Variants in TIFAB observed in about 807,000 individuals in gnomAD.
TIFAB encodes TIFA inhibitor, also known as TRAF-interacting protein with FHA domain-containing protein B.
For synonymous variants in TIFAB, 116 were observed against 95.2 expected (o/e 1.22, Z -1.27); for missense variants, 222 against 203.6 (o/e 1.09, Z -0.55).
chr5:135,446,519 T>C lies in TIFAB; in HGVS notation c.*2935A>G. ...CGAAGACCAGGCCCTGAAGCCAGCC[T>C]GACGGTTCCAGCTGTTAGGAGAAAG... is the stretch of plus-strand genomic sequence containing the variant. On this transcript the variant is annotated 3_prime_UTR_variant, in exon 2 of 2. Transcript: ENST00000537858. 6.2e-7 allele frequency: 1 copy of C among 1,614,006 alleles called. No individual in the cohort carries two copies. Among genetic ancestry groups the C allele is most frequent in the Non-Finnish European group, 8.5e-7 (1 of 1,179,884 alleles).
At position 135,444,684 on chromosome 5, in the gene TIFAB, T is replaced by C. The variant is rs1769223903; in HGVS notation, c.*4770A>G. 1 of 152,268 alleles carries C rather than the reference T, an allele frequency of 6.6e-6. No homozygotes were observed. The highest frequency in any genetic ancestry group is 2.4e-5 in the African/African-American group (1 of 41,466). 9.4% of individuals were successfully genotyped at this position (152,268 alleles called of 1,614,324 possible). A position where few individuals can be genotyped will look rare whatever the true frequency, so the allele number is the denominator to read the frequency against. The stretch of plus-strand genomic sequence containing the variant: ...TCTTTGCTGGCTGCAGCCTTGCTGC[T>C]CAGTGGGCGGTTGTGGAAAGAATCG... On this transcript the variant is annotated 3_prime_UTR_variant, in exon 2 of 2. Transcript: ENST00000537858.
In TIFAB at chr5:135,449,537, G is replaced by A. The variant is rs1769329044; in HGVS notation, c.403C>T (p.Pro135Ser). 7 of 1,614,224 alleles carry A rather than the reference G, an allele frequency of 4.3e-6. No homozygotes were observed. In the East Asian group the frequency reaches 1.3e-4, roughly 31 times the overall value. ...TCAGCCTCAGGTCTGTAAATCAGGGGTGAAGGGCTGACATGGAAATAGCAG... is the reference window on the plus strand; with the variant it reads ...TCAGCCTCAGGTCTGTAAATCAGGGATGAAGGGCTGACATGGAAATAGCAG... ...FVCYFHVSPSPLIYRPEAEET... is the reference protein window; with the variant it reads ...FVCYFHVSPSSLIYRPEAEET... Residue 135 changes from proline to serine, a missense_variant, in exon 2 of 2, where the codon CCC becomes TCC. Physicochemically the swap from Pro to Ser is moderately conservative, Grantham distance 74 (BLOSUM62 -1). Coordinates refer to ENST00000537858, the MANE Select transcript of TIFAB (RefSeq NM_001099221.2).
At chr5:135,451,143 G>T (rs1769356596) in intron 1 of TIFAB, among the ~76,000 whole-genome samples, 1 of 152,154 alleles carries the variant, frequency 6.6e-6, no homozygotes, top group Admixed American at 6.5e-5. Context: ...CACCATAAAT[G>T]TCCAGGGGCA....
Position 135,446,776 on chromosome 5 carries a change from A to T in TIFAB, c.*2678T>A. 1 of 1,613,936 alleles carries T rather than the reference A, an allele frequency of 6.2e-7. No individual in the cohort carries two copies. The highest frequency in any genetic ancestry group is 8.5e-7 in the Non-Finnish European group (1 of 1,179,836). ...TCTTCCTTCTGCTGCTATGCAGTTC[A>T]TCCTGGGTCCCTGAGGGCCTCGCAG... On this transcript the variant is annotated 3_prime_UTR_variant, in exon 2 of 2. Transcript: ENST00000537858.
At chr5:135,451,516 C>A (rs1769362392) in intron 1 of TIFAB, among the ~76,000 whole-genome samples, 1 of 150,076 alleles carries the variant, frequency 6.7e-6, no homozygotes, top group Non-Finnish European at 1.5e-5. Context: ...TGGAGTCTCA[C>A]ACTGTCACCC....
At chr5:135,450,725 T>G (rs1473713982) in intron 1 of TIFAB, 1 of 152,248 alleles carries the variant, frequency 6.6e-6, no homozygotes, top group Non-Finnish European at 1.5e-5. Flanking sequence ...AACCAAGGGT[T>G]GAGTGGATTT....
At chr5:135,451,672 C>T (rs531269336) in intron 1 of TIFAB, among the ~76,000 whole-genome samples, 25 of 152,138 alleles carry the variant, frequency 1.6e-4, no homozygotes, top group African/African-American at 5.5e-4. Flanking sequence ...TCAGTAGAGA[C>T]GGGGTTTCGC....
At position 135,446,727 on chromosome 5, in the gene TIFAB, C is replaced by T; in HGVS notation, c.*2727G>A. On this transcript the variant is annotated 3_prime_UTR_variant, in exon 2 of 2. Coordinates refer to ENST00000537858, the MANE Select transcript of TIFAB (RefSeq NM_001099221.2). ...AAACTACAAACCAGATGTTTCCGGG[C>T]TCCCTCCCGCCTGGTCTGGCCTGTC... 1 of 1,613,884 alleles carries T rather than the reference C, an allele frequency of 6.2e-7. No individual in the cohort carries two copies.
At position 135,444,744 on chromosome 5, in the gene TIFAB, C is replaced by T. The variant is rs187055048; in HGVS notation, c.*4710G>A. On this transcript the variant is annotated 3_prime_UTR_variant, in exon 2 of 2. Transcript: ENST00000537858. ...TCCCATTCCAGCTCTGCTATTTAGA[C>T]ACCGGGAGACCTGGAAACAGCCCCT... is the stretch of plus-strand genomic sequence containing the variant. The T allele has an allele frequency of 2.6e-5, 4 of 152,376 alleles. No individual in the cohort carries two copies. The East Asian group carries it at 7.7e-4, about 29-fold the overall frequency. The allele number at this position is 152,376 out of a possible 1,614,324, so 9.4% of individuals were successfully genotyped here.
chr5:135,451,802 G>A (rs6889578), intron 1 of TIFAB, among the ~76,000 whole-genome samples: 30,543 of 152,156 alleles, frequency 0.2, 3,556 homozygotes, highest in East Asian at 0.33. Context: ...TTTTCTCGAG[G>A]TATGCGTTAC....
In TIFAB at chr5:135,447,356, C is replaced by G; in HGVS notation, c.*2098G>C. 1 of 564,680 alleles carries G rather than the reference C, an allele frequency of 1.8e-6. No homozygotes were observed. The highest frequency in any genetic ancestry group is 2.1e-5 in the South Asian group (1 of 47,894). The allele number at this position is 564,680 out of a possible 1,614,324, so 35.0% of individuals were successfully genotyped here. On this transcript the variant is annotated 3_prime_UTR_variant, in exon 2 of 2. Transcript: ENST00000537858. ...GTAAGCCCTTGGGTTCTGGAGCCAG[C>G]TTACTGGGGTGTGAGTCTTCCTTAG...
In TIFAB at chr5:135,448,634, G is replaced by C. The variant is rs549831817; in HGVS notation, c.*820C>G. On this transcript the variant is annotated 3_prime_UTR_variant, in exon 2 of 2. Coordinates refer to ENST00000537858, the MANE Select transcript of TIFAB (RefSeq NM_001099221.2). ...TTGATCCAGAAGTGACAGAGAATGC[G>C]GAGTGTGAGGATGAGGATGATAAGG... is the stretch of plus-strand genomic sequence containing the variant. 2 of 152,266 alleles carry C rather than the reference G, an allele frequency of 1.3e-5. No homozygotes were observed. Among genetic ancestry groups the C allele is most frequent in the African/African-American group, 4.8e-5 (2 of 41,526 alleles). The allele number at this position is 152,266 out of a possible 1,614,324, so 9.4% of individuals were successfully genotyped here.
In TIFAB at chr5:135,446,961, C is replaced by T. The variant is rs1769279015; in HGVS notation, c.*2493G>A. The T allele has an allele frequency of 6.2e-7, 1 of 1,612,704 alleles. No individual in the cohort carries two copies. Among genetic ancestry groups the T allele is most frequent in the Admixed American group, 1.7e-5 (1 of 59,826 alleles). Reference sequence around the variant, plus strand: ...GCACTCAGGGGCAGCAGCTCATTCCCAAAGTTCTCTGGTGGAGCTGGGGAG... The same window carrying T: ...GCACTCAGGGGCAGCAGCTCATTCCTAAAGTTCTCTGGTGGAGCTGGGGAG... On this transcript the variant is annotated 3_prime_UTR_variant, in exon 2 of 2. Transcript: ENST00000537858.
intron 1 of TIFAB, among the ~76,000 whole-genome samples, chr5:135,450,920 T>G (rs544040896): frequency 2.0e-5 from 3 of 152,330 alleles, no homozygotes; most frequent in Admixed American, 6.5e-5. Context: ...GCCTTCTGAC[T>G]CCCACAACAG....
At position 135,449,478 on chromosome 5, in the gene TIFAB, C is replaced by A; in HGVS notation, c.462G>T (p.Gly154=). 3.7e-6 allele frequency: 6 copies of A among 1,614,024 alleles called. No individual in the cohort carries two copies. Among genetic ancestry groups the A allele is most frequent in the Non-Finnish European group, 5.1e-6 (6 of 1,180,020 alleles). Residue 154 remains glycine, a synonymous_variant, in exon 2 of 2, where the codon GGG becomes GGT. Coordinates refer to ENST00000537858, the MANE Select transcript of TIFAB (RefSeq NM_001099221.2). ...ETDEWEGISQ[G]QPPPGSG is the part of the protein sequence containing the mutation. Reference sequence around the variant, plus strand: ...GCTACCCTGAACCAGGGGGAGGCTGCCCCTGGGAGATGCCTTCCCATTCGT... The same window carrying A: ...GCTACCCTGAACCAGGGGGAGGCTGACCCTGGGAGATGCCTTCCCATTCGT...
Position 135,445,259 on chromosome 5 carries a change from G to A in TIFAB, c.*4195C>T, listed in dbSNP as rs1185623037. 1 of 152,208 alleles carries A rather than the reference G, an allele frequency of 6.6e-6. No homozygotes were observed. The highest frequency in any genetic ancestry group is 2.4e-5 in the African/African-American group (1 of 41,410). 9.4% of individuals were successfully genotyped at this position (152,208 alleles called of 1,614,324 possible). A position where few individuals can be genotyped will look rare whatever the true frequency, so the allele number is the denominator to read the frequency against. ...CACCACACAGAATCCCAAAACCCCA[G>A]GGTTCTGCTTGAGTTAGAGCTACAA... On this transcript the variant is annotated 3_prime_UTR_variant, in exon 2 of 2. Coordinates refer to ENST00000537858, the MANE Select transcript of TIFAB (RefSeq NM_001099221.2).
rs572376932 is a variant in TIFAB, at chr5:135,446,322, C to G, written c.*3132G>C. The G allele has an allele frequency of 6.5e-7, 1 of 1,538,170 alleles. No homozygotes were observed. Among genetic ancestry groups the G allele is most frequent in the Non-Finnish European group, 8.8e-7 (1 of 1,141,058 alleles). ...GCAGCGTTCATGTGCACTGTATGTT[C>G]GTGTTTAGTGTATGTCTGTGCATAC... is the stretch of plus-strand genomic sequence containing the variant. On this transcript the variant is annotated 3_prime_UTR_variant, in exon 2 of 2. Coordinates refer to ENST00000537858, the MANE Select transcript of TIFAB (RefSeq NM_001099221.2).
At chr5:135,451,848 T>C (rs2150034147) in intron 1 of TIFAB, among the ~76,000 whole-genome samples, 1 of 152,294 alleles carries the variant, frequency 6.6e-6, no homozygotes, top group Non-Finnish European at 1.5e-5. Flanking sequence ...GGGCAACCCA[T>C]GCTGTCAGGC....
At position 135,446,492 on chromosome 5, in the gene TIFAB, T is replaced by G; in HGVS notation, c.*2962A>C. ...GCAGGTGAGGGATAGTGATATCAAG[T>G]GCGAAGACCAGGCCCTGAAGCCAGC... On this transcript the variant is annotated 3_prime_UTR_variant, in exon 2 of 2. Coordinates refer to ENST00000537858, the MANE Select transcript of TIFAB (RefSeq NM_001099221.2). The G allele has an allele frequency of 6.2e-7, 1 of 1,613,990 alleles. No individual in the cohort carries two copies. Among genetic ancestry groups the G allele is most frequent in the South Asian group, 1.1e-5 (1 of 91,086 alleles).
Sources: gnomAD v4.1 joint callset for allele counts (sites outside exome capture counted in the v4.1 genomes callset) on GRCh38, gnomAD v4.1.1 for gene constraint, MANE v1.5 for transcripts, NCBI Gene and HGNC (gene_info 2026-07-23, HGNC 2026-07-21) for gene names.